DPP10: variants seen among roughly 807,000 people sequenced by gnomAD.
DPP10 encodes inactive dipeptidyl peptidase 10.
DPP10 carries 33 observed loss-of-function variants against 120.9 expected under a neutral mutation model. The ratio of observed to expected loss-of-function variants is 0.27; its 90% CI spans 0.21 to 0.37. The LOEUF (loss-of-function observed/expected upper bound fraction) is 0.37, where lower values mean the gene tolerates loss of function less well. Ranked by LOEUF, DPP10 falls within the 10% of genes least tolerant of loss-of-function variation. The pLI, the probability that DPP10 is intolerant of heterozygous loss-of-function variation, is 1.00. For missense variants in DPP10, 816 were observed against 942.8 expected (o/e 0.87, Z 1.76); for synonymous variants, 337 against 326.1 (o/e 1.03, Z -0.36).
At chr2:115,401,064 G>A (rs1194808209) in intron 3 of DPP10, among the ~76,000 whole-genome samples, 1 of 152,194 alleles carries the variant, frequency 6.6e-6, no homozygotes, top group African/African-American at 2.4e-5. Context: ...TTCTGAAAAT[G>A]AGCGAGCCAT....
intron 1 of DPP10, among the ~76,000 whole-genome samples, chr2:114,592,099 T>C (rs576569263): frequency 6.6e-6 from 1 of 152,312 alleles, no homozygotes; most frequent in East Asian, 1.9e-4. Flanking sequence ...AGCTCAAACA[T>C]ATGCTGAGCT....
intron 1 of DPP10, among the ~76,000 whole-genome samples, chr2:115,102,440 TCACTCTGTCGCCCA>T (rs1195635670): frequency 6.6e-6 from 1 of 152,162 alleles, no homozygotes; most frequent in Non-Finnish European, 1.5e-5. Context: ...AGATAGGGTC[TCACTCTGTCGCCCA>T]GTCTGGAGTG....
chr2:115,497,776 G>A (rs1355187590), intron 3 of DPP10, among the ~76,000 whole-genome samples: 1 of 152,046 alleles, frequency 6.6e-6, no homozygotes, highest in African/African-American at 2.4e-5. Flanking sequence ...CAGCTGGCAA[G>A]ACCAAATGAG....
At chr2:114,702,050 T>A (rs986342241) in intron 1 of DPP10, among the ~76,000 whole-genome samples, 1 of 152,156 alleles carries the variant, frequency 6.6e-6, no homozygotes, top group Non-Finnish European at 1.5e-5. Flanking sequence ...GCTGGTCCTC[T>A]GAGCATCTGT....
chr2:114,466,350 A>G (rs1384555473), intron 1 of DPP10, among the ~76,000 whole-genome samples: 1 of 152,208 alleles, frequency 6.6e-6, no homozygotes, highest in East Asian at 1.9e-4. Context: ...AGTTGTGTGT[A>G]TATATAGTAT....
chr2:115,423,946 T>C (rs2070221097), intron 3 of DPP10, among the ~76,000 whole-genome samples: 1 of 152,150 alleles, frequency 6.6e-6, no homozygotes, highest in South Asian at 2.1e-4. Context: ...TATGCCAAAC[T>C]CCTCAGGTAC....
chr2:115,701,020 C>CA (rs1429218287), intron 7 of DPP10, among the ~76,000 whole-genome samples: 1 of 152,098 alleles, frequency 6.6e-6, no homozygotes, highest in Non-Finnish European at 1.5e-5. Context: ...ATGCCCAACA[C>CA]AATCTACAGA....
At chr2:115,454,416 A>C (rs1182824931) in intron 3 of DPP10, among the ~76,000 whole-genome samples, 1 of 151,756 alleles carries the variant, frequency 6.6e-6, no homozygotes, top group Non-Finnish European at 1.5e-5. Flanking sequence ...CCAGACAGTC[A>C]AGGTTGGTTT....
intron 13 of DPP10, among the ~76,000 whole-genome samples, chr2:115,775,084 C>T (rs1039432408): frequency 1.3e-5 from 2 of 151,948 alleles, no homozygotes; most frequent in African/African-American, 4.8e-5. Flanking sequence ...GAGAATACTA[C>T]ATATACGAAA....
At position 114,871,251 on chromosome 2, in the gene DPP10, G is replaced by A. The variant is rs1690664061; in HGVS notation, c.60+428413G>A. ...AAATCCATCTTTCTCTATTATTGGG[G>A]GAAAGAACACTGAAGAAACAAGACT... On this transcript the variant is annotated intron_variant, in intron 1 of 25. Coordinates refer to ENST00000410059, the MANE Select transcript of DPP10 (RefSeq NM_020868.6). Among the ~76,000 whole-genome samples, 4 of 151,256 alleles carry A rather than the reference G, an allele frequency of 2.6e-5. 2 individuals carry two copies. Among genetic ancestry groups the A allele is most frequent in the Admixed American group, 2.6e-4 (4 of 15,152 alleles).
At chr2:114,566,444 A>G in intron 1 of DPP10, among the ~76,000 whole-genome samples, 1 of 152,328 alleles carries the variant, frequency 6.6e-6, no homozygotes, top group Non-Finnish European at 1.5e-5. Context: ...GCTCCTCGAC[A>G]TCTTCTTTTC....
At chr2:115,646,771 TA>T (rs1190094880) in intron 5 of DPP10, among the ~76,000 whole-genome samples, 9 of 152,294 alleles carry the variant, frequency 5.9e-5, no homozygotes, top group African/African-American at 2.2e-4. Flanking sequence ...TCCTTCTCTT[TA>T]AATTGATGAT....
At chr2:114,625,482 T>A (rs1694442163) in intron 1 of DPP10, among the ~76,000 whole-genome samples, 1 of 152,046 alleles carries the variant, frequency 6.6e-6, no homozygotes, top group Non-Finnish European at 1.5e-5. Flanking sequence ...AGCAATATTT[T>A]AATTCTATCA....
chr2:115,518,506 T>C (rs1461431500), intron 4 of DPP10, among the ~76,000 whole-genome samples: 1 of 152,038 alleles, frequency 6.6e-6, no homozygotes, highest in Non-Finnish European at 1.5e-5. Context: ...TAAAAAAAGT[T>C]TTTTTACTTA....
chr2:114,664,184 T>G (rs1697712461), intron 1 of DPP10, among the ~76,000 whole-genome samples: 1 of 152,074 alleles, frequency 6.6e-6, no homozygotes, highest in East Asian at 1.9e-4. Context: ...AGCTGCTCTC[T>G]GGAACTCAGG....
intron 3 of DPP10, among the ~76,000 whole-genome samples, chr2:115,349,604 T>A (rs1574513814): frequency 6.6e-6 from 1 of 152,110 alleles, no homozygotes; most frequent in East Asian, 1.9e-4. Flanking sequence ...CTCATTCTCA[T>A]AATATATGCA....
At chr2:115,607,161 A>G (rs2149238729) in intron 5 of DPP10, among the ~76,000 whole-genome samples, 1 of 152,308 alleles carries the variant, frequency 6.6e-6, no homozygotes, top group South Asian at 2.1e-4. Flanking sequence ...CGAATCCCTT[A>G]CGCTGTCTTA....
chr2:115,174,103 ATGTAT>A (rs914057335), intron 1 of DPP10, among the ~76,000 whole-genome samples: 3 of 152,190 alleles, frequency 2.0e-5, no homozygotes, highest in South Asian at 2.1e-4. Flanking sequence ...TAATAAGAAG[ATGTAT>A]TGTATAGATT....
At chr2:114,908,463 T>C (rs1694134869) in intron 1 of DPP10, among the ~76,000 whole-genome samples, 1 of 151,952 alleles carries the variant, frequency 6.6e-6, no homozygotes, top group South Asian at 2.1e-4. Context: ...ACTTGCTTAG[T>C]GGATGCACTA....
Sources: gnomAD v4.1 joint callset for allele counts (sites outside exome capture counted in the v4.1 genomes callset) on GRCh38, gnomAD v4.1.1 for gene constraint, MANE v1.5 for transcripts, NCBI Gene and HGNC (gene_info 2026-07-23, HGNC 2026-07-21) for gene names.